The following THSD7B variants were observed in gnomAD, a reference collection of about 807,000 sequenced individuals.
THSD7B encodes the protein thrombospondin type 1 domain containing 7B, also known as thrombospondin type-1 domain-containing protein 7B.
In THSD7B, 138 loss-of-function variants were observed where a neutral mutation model predicts 213.6. The observed-to-expected ratio is 0.65, with a 90% CI of 0.56 to 0.74. THSD7B has a LOEUF of 0.74. THSD7B is among the 30% of genes least tolerant of loss of function. The pLI, the probability that THSD7B is intolerant of heterozygous loss-of-function variation, is 0.00. For synonymous variants in THSD7B, 742 were observed against 687.0 expected (o/e 1.08, Z -1.25); for missense variants, 1,931 against 1,991.5 (o/e 0.97, Z 0.58).
At chr2:137,422,250 T>C (rs1462571280) in intron 14 of THSD7B, among the ~76,000 whole-genome samples, 2 of 152,244 alleles carry the variant, frequency 1.3e-5, no homozygotes, top group Admixed American at 6.5e-5. Flanking sequence ...AAAGCAAATA[T>C]GGGATTTGAG....
intron 17 of THSD7B, among the ~76,000 whole-genome samples, chr2:137,604,213 C>T (rs968925476): frequency 2.6e-5 from 4 of 152,052 alleles, no homozygotes; most frequent in African/African-American, 9.7e-5. Context: ...GAGTTTTCTT[C>T]AAGAAGTATA....
At chr2:137,511,578 C>G (rs1427392833) in intron 15 of THSD7B, among the ~76,000 whole-genome samples, 1 of 152,110 alleles carries the variant, frequency 6.6e-6, no homozygotes, top group Admixed American at 6.5e-5. Flanking sequence ...AGCCTGGTTC[C>G]CTTGTAGAGT....
chr2:137,423,857 C>T (rs560902932), intron 14 of THSD7B, among the ~76,000 whole-genome samples: 149 of 152,182 alleles, frequency 9.8e-4, no homozygotes, highest in African/African-American at 3.1e-3. Flanking sequence ...AATAGTCAAA[C>T]AGTCTTGAAA....
chr2:137,225,192 A>T (rs557554209), intron 7 of THSD7B, among the ~76,000 whole-genome samples: 27 of 152,270 alleles, frequency 1.8e-4, no homozygotes, highest in African/African-American at 6.3e-4. Context: ...GTCTTTACTT[A>T]TGTGGCCTTG....
chr2:137,074,396 T>G (rs984545139), intron 3 of THSD7B, among the ~76,000 whole-genome samples: 2 of 152,180 alleles, frequency 1.3e-5, no homozygotes, highest in Admixed American at 6.5e-5. Context: ...TATCCGAGAC[T>G]AGGATTGCAA....
chr2:137,488,922 C>T (rs192140508), intron 15 of THSD7B, among the ~76,000 whole-genome samples: 1 of 152,228 alleles, frequency 6.6e-6, no homozygotes, highest in Non-Finnish European at 1.5e-5. Flanking sequence ...TCCAGGATCC[C>T]CACTGCTGTG....
intron 15 of THSD7B, among the ~76,000 whole-genome samples, chr2:137,514,376 A>G (rs1277221506): frequency 2.0e-5 from 3 of 152,152 alleles, no homozygotes; most frequent in Admixed American, 2.0e-4. Context: ...TCCCAGCCTC[A>G]TCTTTCTCCT....
chr2:137,132,567 T>A (rs1688757966), intron 5 of THSD7B, among the ~76,000 whole-genome samples: 2 of 152,180 alleles, frequency 1.3e-5, no homozygotes. Context: ...TCCTTCTTTA[T>A]ATAGATAAAG....
intron 1 of THSD7B, among the ~76,000 whole-genome samples, chr2:136,848,285 A>T (rs1015776332): frequency 5.9e-5 from 9 of 152,284 alleles, no homozygotes; most frequent in East Asian, 1.9e-4. Flanking sequence ...TCTAGCATGC[A>T]TCAGAATCAC....
At chr2:136,854,535 C>G (rs1040276143) in intron 1 of THSD7B, among the ~76,000 whole-genome samples, 9 of 151,994 alleles carry the variant, frequency 5.9e-5, no homozygotes, top group Non-Finnish European at 1.0e-4. Context: ...TCTGTTCCAT[C>G]CCTTTCTCAA....
chr2:137,368,283 A>G (rs1685465689), intron 12 of THSD7B, among the ~76,000 whole-genome samples: 1 of 151,956 alleles, frequency 6.6e-6, no homozygotes, highest in African/African-American at 2.4e-5. Flanking sequence ...AATTTATAGA[A>G]TTTTACTCTG....
intron 1 of THSD7B, among the ~76,000 whole-genome samples, chr2:136,813,883 A>T (rs1285808189): frequency 6.6e-6 from 1 of 152,168 alleles, no homozygotes; most frequent in African/African-American, 2.4e-5. Context: ...TATTCTCATA[A>T]GAGTTTTGTG....
intron 2 of THSD7B, among the ~76,000 whole-genome samples, chr2:136,966,635 C>G (rs1333722410): frequency 6.6e-6 from 1 of 152,132 alleles, no homozygotes; most frequent in African/African-American, 2.4e-5. Context: ...TGCCTGGTCT[C>G]TGAGTTGTGC....
Position 137,411,694 on chromosome 2 carries a change from A to C in THSD7B, c.2781A>C (p.Ile927=), listed in dbSNP as rs1686656901. ...AACTATGTCCTTGTGATGAATTTAT[A>C]TCCCAACCTTATGGAAACTGGTCAG... is the stretch of plus-strand genomic sequence containing the variant. ...ETELCPCDEF[I]SQPYGNWSDC... The change falls in exon 14 of 28, where the codon ATA becomes ATC. Residue 927 remains isoleucine, a synonymous_variant. Coordinates refer to ENST00000409968, the MANE Select transcript of THSD7B (RefSeq NM_001316349.2). 2 of 1,614,006 alleles carry C rather than the reference A, an allele frequency of 1.2e-6. No individual in the cohort carries two copies. The highest frequency in any genetic ancestry group is 1.3e-5 in the African/African-American group (1 of 75,056).
At chr2:137,227,025 A>T (rs1189387652) in intron 7 of THSD7B, among the ~76,000 whole-genome samples, 1 of 152,220 alleles carries the variant, frequency 6.6e-6, no homozygotes, top group Non-Finnish European at 1.5e-5. Flanking sequence ...AAATAAATTC[A>T]TAGAGACAGA....
intron 2 of THSD7B, among the ~76,000 whole-genome samples, chr2:136,888,937 C>CT (rs1457152946): frequency 4.1e-4 from 40 of 97,916 alleles, no homozygotes; most frequent in African/African-American, 1.3e-3. Context: ...GGGACACTGT[C>CT]TTTTGGGGTG....
chr2:136,968,452 T>C (rs1483446782), intron 2 of THSD7B, among the ~76,000 whole-genome samples: 1 of 152,088 alleles, frequency 6.6e-6, no homozygotes, highest in Non-Finnish European at 1.5e-5. Context: ...CCCATTTGAG[T>C]ATTTAGGTTT....
At chr2:136,821,656 G>T (rs1370336170) in intron 1 of THSD7B, among the ~76,000 whole-genome samples, 1 of 152,168 alleles carries the variant, frequency 6.6e-6, no homozygotes. Context: ...GGAGTTAGAA[G>T]ACCAGGAGCT....
At chr2:137,520,939 T>C (rs1305611701) in intron 15 of THSD7B, among the ~76,000 whole-genome samples, 2 of 152,234 alleles carry the variant, frequency 1.3e-5, no homozygotes, top group Non-Finnish European at 2.9e-5. Flanking sequence ...TTGAAAGTTG[T>C]GTTTAGTGAA....
Sources: gnomAD v4.1 joint callset for allele counts (sites outside exome capture counted in the v4.1 genomes callset) on GRCh38, gnomAD v4.1.1 for gene constraint, MANE v1.5 for transcripts, NCBI Gene and HGNC (gene_info 2026-07-23, HGNC 2026-07-21) for gene names.